The following STOX1 variants were observed in gnomAD, a reference collection of about 807,000 sequenced individuals.
STOX1 encodes storkhead box 1.
A neutral mutation model predicts 74.8 loss-of-function variants in STOX1; 57 were observed. The ratio of observed to expected loss-of-function variants is 0.76; its 90% CI spans 0.62 to 0.95. The LOEUF (loss-of-function observed/expected upper bound fraction) is 0.95, where lower values mean the gene tolerates loss of function less well. Among genes scored for constraint, STOX1 ranks in the 40% least tolerant of loss-of-function variants. STOX1 has a pLI of 0.00. For missense variants in STOX1, 1,010 were observed against 1,117.0 expected, an observed-to-expected ratio of 0.90 and a Z score of 1.37; for synonymous variants, 375 against 401.3, an observed-to-expected ratio of 0.93 and a Z score of 0.78.
chr10:68,892,516 G>A (rs4472827), intron 3 of STOX1, 73 bp from the exon 4 acceptor site: 398,095 of 1,395,442 alleles, frequency 0.29, 59,453 homozygotes, highest in African/African-American at 0.46. Flanking sequence ...GTAGCAAATG[G>A]AAGTATAATG....
downstream of STOX1, among the ~76,000 whole-genome samples, chr10:68,893,626 C>T (rs896500654): frequency 2.6e-5 from 4 of 152,280 alleles, no homozygotes; most frequent in African/African-American, 9.6e-5. Flanking sequence ...ACCGTGTTAG[C>T]CAGGATGATC....
intron 1 of STOX1, among the ~76,000 whole-genome samples, chr10:68,870,311 A>T (rs902318679): frequency 6.6e-6 from 1 of 152,120 alleles, no homozygotes; most frequent in East Asian, 1.9e-4. Context: ...AGGCACCATA[A>T]TCTGTTCCAG....
At position 68,885,549 on chromosome 10, in the gene STOX1, C is replaced by A; in HGVS notation, c.1753C>A (p.His585Asn). 1 of 1,614,202 alleles carries A rather than the reference C, an allele frequency of 6.2e-7. No individual in the cohort carries two copies. The highest frequency in any genetic ancestry group is 1.1e-5 in the South Asian group (1 of 91,070). The change falls in exon 3 of 4, where the codon CAC becomes AAC. Residue 585 changes from histidine to asparagine, a missense_variant. By Grantham distance (68) the His-to-Asn change is moderately conservative. Transcript: ENST00000298596. ...TGACTTCAGAGGTCACCTCTTCAGT[C>A]ACCCTCAACAGAGCATGTTGCAAAA... ...NDDFRGHLFS[H>N]PQQSMLQNDG...
intron 1 of STOX1, among the ~76,000 whole-genome samples, chr10:68,840,902 G>A (rs547043168): frequency 1.3e-5 from 2 of 151,378 alleles, no homozygotes; most frequent in African/African-American, 4.8e-5. Flanking sequence ...ATGGCTGTGG[G>A]GTGTGTGTGT....
intron 1 of STOX1, among the ~76,000 whole-genome samples, chr10:68,855,846 C>G (rs1840114024): frequency 6.6e-6 from 1 of 152,018 alleles, no homozygotes; most frequent in Non-Finnish European, 1.5e-5. Context: ...CCAAATAATT[C>G]AGGTCAGTTC....
chr10:68,891,423 G>C (rs1331363534), intron 3 of STOX1, among the ~76,000 whole-genome samples: 1 of 152,204 alleles, frequency 6.6e-6, no homozygotes, highest in Non-Finnish European at 1.5e-5. Context: ...TTTAGAGAAA[G>C]ACTTATTAGA....
chr10:68,878,025 T>C (rs1273936395), intron 1 of STOX1, among the ~76,000 whole-genome samples: 1 of 152,022 alleles, frequency 6.6e-6, no homozygotes, highest in Non-Finnish European at 1.5e-5. Context: ...GATAGGAGGA[T>C]AGGAAAAGGC....
At chr10:68,845,294 G>A (rs1839810866) in intron 1 of STOX1, among the ~76,000 whole-genome samples, 1 of 125,952 alleles carries the variant, frequency 7.9e-6, no homozygotes. Flanking sequence ...TTTTTTTTGA[G>A]ATGGAATCTT....
At chr10:68,842,301 T>C (rs1472414429) in intron 1 of STOX1, among the ~76,000 whole-genome samples, 1 of 152,154 alleles carries the variant, frequency 6.6e-6, no homozygotes, top group African/African-American at 2.4e-5. Flanking sequence ...GAGGTTTAGC[T>C]ACATTCTGTG....
At chr10:68,868,815 A>G (rs1295653198) in intron 1 of STOX1, among the ~76,000 whole-genome samples, 1 of 152,240 alleles carries the variant, frequency 6.6e-6, no homozygotes, top group African/African-American at 2.4e-5. Context: ...TTGGGAAGAA[A>G]AGTTAAAAAG....
chr10:68,879,267 C>T (rs1018139537), intron 1 of STOX1, among the ~76,000 whole-genome samples: 8 of 152,024 alleles, frequency 5.3e-5, no homozygotes, highest in South Asian at 2.1e-4. Context: ...CCTTTCCACC[C>T]GCCATCCTCT....
At chr10:68,894,485 C>T (rs1841157933), downstream of STOX1, among the ~76,000 whole-genome samples, 2 of 152,174 alleles carry the variant, frequency 1.3e-5, no homozygotes, top group African/African-American at 4.8e-5. Context: ...TTGCAGTGGT[C>T]AGCTCACTCA....
intron 1 of STOX1, among the ~76,000 whole-genome samples, chr10:68,834,485 A>G (rs577534948): frequency 2.0e-3 from 306 of 152,328 alleles, no homozygotes; most frequent in Non-Finnish European, 3.3e-3. Flanking sequence ...CCTACCTTGA[A>G]TGACAGTAGG....
Position 68,881,943 on chromosome 10 carries a change from A to C in STOX1, c.311-15A>C. 6.2e-7 allele frequency: 1 copy of C among 1,610,542 alleles called. No individual in the cohort carries two copies. On this transcript the variant is annotated splice_polypyrimidine_tract_variant and intron_variant, in intron 1 of 3. Transcript: ENST00000298596. ...TATCAACCCCCTCCCCCTTTTTTTT[A>C]AATCTCCAATTTAGGTGATGTCTTT...
chr10:68,846,115 G>C (rs1329374062), intron 1 of STOX1, among the ~76,000 whole-genome samples: 1 of 88,544 alleles, frequency 1.1e-5, no homozygotes, highest in Non-Finnish European at 2.4e-5. Context: ...TATGGCTTGA[G>C]GTTTTTATTA....
At chr10:68,854,937 T>C (rs910656702) in intron 1 of STOX1, among the ~76,000 whole-genome samples, 14 of 152,028 alleles carry the variant, frequency 9.2e-5, no homozygotes, top group African/African-American at 3.4e-4. Flanking sequence ...AGACTATCTC[T>C]ACAAAAAATT....
intron 1 of STOX1, among the ~76,000 whole-genome samples, chr10:68,851,904 C>T (rs59584917): frequency 0.051 from 7,800 of 152,208 alleles, 243 homozygotes; most frequent in Middle Eastern, 0.13. Flanking sequence ...AAGGCCGAGG[C>T]GGGCAGATCA....
At chr10:68,851,300 A>T (rs574816719) in intron 1 of STOX1, among the ~76,000 whole-genome samples, 1 of 112,224 alleles carries the variant, frequency 8.9e-6, no homozygotes, top group Admixed American at 8.7e-5. Flanking sequence ...GAGACTTTCT[A>T]AAAAAAAAAA....
At chr10:68,883,506 A>G (rs1840860648) in intron 2 of STOX1, among the ~76,000 whole-genome samples, 1 of 151,910 alleles carries the variant, frequency 6.6e-6, no homozygotes, top group African/African-American at 2.4e-5. Context: ...TCTGCCTCCA[A>G]GGGTTCAAGC....
Sources: gnomAD v4.1 joint callset for allele counts (sites outside exome capture counted in the v4.1 genomes callset) on GRCh38, gnomAD v4.1.1 for gene constraint, MANE v1.5 for transcripts, NCBI Gene and HGNC (gene_info 2026-07-23, HGNC 2026-07-21) for gene names.